RHOBTB2: variants seen among roughly 807,000 people sequenced by gnomAD.
RHOBTB2 encodes the protein Rho related BTB domain containing 2.
In RHOBTB2, 39 loss-of-function variants were observed where a neutral mutation model predicts 66.5. The observed-to-expected ratio is 0.59, with a 90% confidence interval of 0.45 to 0.77. The LOEUF (loss-of-function observed/expected upper bound fraction) is 0.77. RHOBTB2 is among the 30% of genes least tolerant of loss of function. The pLI is 0.00. For synonymous variants in RHOBTB2, 390 were observed against 395.0 expected, an observed-to-expected ratio of 0.99 and a Z score of 0.15; for missense variants, 755 against 999.1, an observed-to-expected ratio of 0.76 and a Z score of 3.29.
Position 23,006,342 on chromosome 8 carries a change from T to C in RHOBTB2, c.482+197T>C. 1.7e-6 allele frequency: 1 copy of C among 574,838 alleles called. No individual in the cohort carries two copies. The highest frequency in any genetic ancestry group is 2.4e-5 in the South Asian group (1 of 41,536). The allele number at this position is 574,838 out of a possible 1,614,324, so 35.6% of individuals were successfully genotyped here. On this transcript the variant is annotated intron_variant, in intron 4 of 9. Transcript: ENST00000251822. This position sits in a 1 kb window ranked among gnomAD's most constrained non-coding sequence, Gnocchi z 6.1. The stretch of plus-strand genomic sequence containing the variant: ...CACACCTCTGGTGTGGGCAGTGCTA[T>C]GTAAAGCATCATGAAGAAAAATAGA...
the RHOBTB2 span, among the ~76,000 whole-genome samples, chr8:22,981,131 T>C: frequency 6.6e-6 from 1 of 152,350 alleles, no homozygotes; most frequent in East Asian, 1.9e-4. Flanking sequence ...TTTCAGTACA[T>C]ATAAAAGGTC....
At chr8:23,000,245 G>A in intron 1 of RHOBTB2, 140 bp downstream of exon 1, 1 of 429,712 alleles carries the variant, frequency 2.3e-6, no homozygotes, top group Non-Finnish European at 3.1e-6. Flanking sequence ...TTCGGCTGCT[G>A]GGTACAGCGG....
chr8:22,980,123 C>T, the RHOBTB2 span, among the ~76,000 whole-genome samples: 1 of 152,030 alleles, frequency 6.6e-6, no homozygotes, highest in East Asian at 1.9e-4. Context: ...AAGTTTTCCT[C>T]TATCCTGTTA....
At chr8:22,993,991 C>G (rs1362423264) in intron 2 of RHOBTB2, among the ~76,000 whole-genome samples, 1 of 152,228 alleles carries the variant, frequency 6.6e-6, no homozygotes, top group Non-Finnish European at 1.5e-5. Flanking sequence ...AAAATACCTC[C>G]TCCTTCCATT....
At chr8:22,981,345 T>A in the RHOBTB2 span, among the ~76,000 whole-genome samples, 59 of 152,308 alleles carry the variant, frequency 3.9e-4, no homozygotes, top group Middle Eastern at 3.4e-3. Context: ...TTTATCGATA[T>A]TCAAAAGAAA....
upstream of RHOBTB2, among the ~76,000 whole-genome samples, chr8:22,986,265 C>CTTTT (rs33995780): frequency 1.2e-5 from 1 of 84,986 alleles, no homozygotes; most frequent in Non-Finnish European, 2.2e-5. Context: ...CAGTGCATTG[C>CTTTT]TTTTTTTTTT....
At chr8:22,964,083 CTGTT>C in the RHOBTB2 span, among the ~76,000 whole-genome samples, 1 of 151,950 alleles carries the variant, frequency 6.6e-6, no homozygotes, top group Non-Finnish European at 1.5e-5. Context: ...GCCCAGCCTC[CTGTT>C]TTTTTTGTTT....
intron 7 of RHOBTB2, 97 bp from the exon 8 acceptor site, chr8:23,014,593 G>C (rs979565278): frequency 2.6e-6 from 3 of 1,163,814 alleles, no homozygotes; most frequent in Non-Finnish European, 3.8e-6. Context: ...CCGGGCCCTG[G>C]TTTTCCTCAC....
At chr8:22,993,126 G>A (rs564951246) in intron 2 of RHOBTB2, among the ~76,000 whole-genome samples, 2 of 152,338 alleles carry the variant, frequency 1.3e-5, no homozygotes, top group East Asian at 1.9e-4. Flanking sequence ...GAGCCAAGGT[G>A]CGCATGGGAT....
the RHOBTB2 span, among the ~76,000 whole-genome samples, chr8:22,982,391 G>T: frequency 1.3e-5 from 2 of 152,158 alleles, no homozygotes; most frequent in Admixed American, 6.6e-5. Context: ...GGAGGCCGAG[G>T]TCGGTGGATC....
At chr8:22,997,530 C>A, upstream of RHOBTB2, among the ~76,000 whole-genome samples, 1 of 152,244 alleles carries the variant, frequency 6.6e-6, no homozygotes, top group East Asian at 1.9e-4. Flanking sequence ...ATCAACACTA[C>A]ACCTTGGAAT....
chr8:22,990,583 G>C (rs1487574744), intron 1 of RHOBTB2, among the ~76,000 whole-genome samples: 1 of 152,192 alleles, frequency 6.6e-6, no homozygotes, highest in Non-Finnish European at 1.5e-5. Context: ...GGCTCCCAGG[G>C]GGCTCTCTGT....
Position 23,005,361 on chromosome 8 carries a change from C to T in RHOBTB2, c.193-11C>T. On this transcript the variant is annotated splice_polypyrimidine_tract_variant and intron_variant, in intron 2 of 9. Transcript: ENST00000251822. ...CTGCCTTCGAGTCCCACTCTTCCTCCCCGTCCCCAGGTGCTGGAACGCTCC... is the reference window on the plus strand; with the variant it reads ...CTGCCTTCGAGTCCCACTCTTCCTCTCCGTCCCCAGGTGCTGGAACGCTCC... The T allele has an allele frequency of 6.2e-7, 1 of 1,606,130 alleles. No homozygotes were observed. Among genetic ancestry groups the T allele is most frequent in the Admixed American group, 1.7e-5 (1 of 59,998 alleles).
In RHOBTB2 at chr8:23,004,051, T is replaced by A. The variant is rs950276622; in HGVS notation, c.-10-374T>A. ...GTTTGTTGTTCTGCTGCCACTGCTC[T>A]GCCGGGGAAGGAGGAGGAGAGCAGA... is the stretch of plus-strand genomic sequence containing the variant. On this transcript the variant is annotated intron_variant, in intron 1 of 9. Transcript: ENST00000251822. This position sits in a 1 kb window ranked among gnomAD's most constrained non-coding sequence, Gnocchi z 6.4. 11 of 317,136 alleles carry A rather than the reference T, an allele frequency of 3.5e-5. No homozygotes were observed. The highest frequency in any genetic ancestry group is 2.4e-4 in the African/African-American group (11 of 46,412). The allele number at this position is 317,136 out of a possible 1,614,324, so 19.6% of individuals were successfully genotyped here.
chr8:22,979,072 C>A, the RHOBTB2 span, among the ~76,000 whole-genome samples: 1 of 152,080 alleles, frequency 6.6e-6, no homozygotes, highest in Non-Finnish European at 1.5e-5. Flanking sequence ...ATTACATTTT[C>A]TTTTATCACT....
chr8:22,994,919 C>A (rs539220668), upstream of RHOBTB2, among the ~76,000 whole-genome samples: 1 of 152,244 alleles, frequency 6.6e-6, no homozygotes, highest in South Asian at 2.1e-4. Context: ...GCACATGCCA[C>A]CACGCCCAGC....
chr8:22,972,141 T>C, the RHOBTB2 span, among the ~76,000 whole-genome samples: 1 of 152,184 alleles, frequency 6.6e-6, no homozygotes, highest in Non-Finnish European at 1.5e-5. Flanking sequence ...TTCCTCGCAT[T>C]CCGTCAAAGG....
At chr8:22,979,582 T>C in the RHOBTB2 span, among the ~76,000 whole-genome samples, 15 of 152,060 alleles carry the variant, frequency 9.9e-5, no homozygotes, top group Non-Finnish European at 2.1e-4. Flanking sequence ...CTTCATTTTT[T>C]CCCCACTATC....
the RHOBTB2 span, among the ~76,000 whole-genome samples, chr8:22,955,564 C>CTTTTTTTT: frequency 1.9e-5 from 2 of 103,970 alleles, no homozygotes; most frequent in East Asian, 3.3e-4. Flanking sequence ...TTCAATAAAT[C>CTTTTTTTT]TTTTTTTTTT....
Sources: gnomAD v4.1 joint callset for allele counts (sites outside exome capture counted in the v4.1 genomes callset) on GRCh38, gnomAD v4.1.1 for gene constraint, Gnocchi (gnomAD v3.1) non-coding constraint, MANE v1.5 for transcripts, NCBI Gene and HGNC (gene_info 2026-07-23, HGNC 2026-07-21) for gene names.